Variants in SPAG16 observed in about 807,000 individuals in gnomAD.
SPAG16 encodes the protein sperm associated antigen 16.
A neutral mutation model predicts 80.4 loss-of-function variants in SPAG16; 86 were observed. The observed-to-expected ratio is 1.07, with a 90% CI of 0.90 to 1.28. The LOEUF (loss-of-function observed/expected upper bound fraction) is 1.28. Among genes scored for constraint, SPAG16 ranks in the 50% most tolerant of loss-of-function variants. The pLI is 0.00. For synonymous variants in SPAG16, 294 were observed against 265.9 expected, an observed-to-expected ratio of 1.11 and a Z score of -1.03; for missense variants, 870 against 765.3, an observed-to-expected ratio of 1.14 and a Z score of -1.61.
At chr2:213,832,368 C>A (rs1333011076) in intron 10 of SPAG16, among the ~76,000 whole-genome samples, 1 of 152,080 alleles carries the variant, frequency 6.6e-6, no homozygotes, top group Non-Finnish European at 1.5e-5. Context: ...ATACTTTGAA[C>A]TGAAGGACAT....
At chr2:213,774,533 A>G (rs1272322567) in intron 10 of SPAG16, among the ~76,000 whole-genome samples, 4 of 152,188 alleles carry the variant, frequency 2.6e-5, no homozygotes, top group African/African-American at 9.7e-5. Flanking sequence ...GCAATTTTAT[A>G]TGCAATGGTG....
chr2:214,149,073 GTGTGTA>G, intron 14 of SPAG16, 61 bp from the exon 15 acceptor site: 1 of 357,260 alleles, frequency 2.8e-6, no homozygotes, highest in African/African-American at 4.4e-5. Flanking sequence ...ATGTGTGTGT[GTGTGTA>G]TATATATATA....
At chr2:214,280,311 G>C (rs77844269) in intron 15 of SPAG16, among the ~76,000 whole-genome samples, 2,170 of 152,300 alleles carry the variant, frequency 0.014, 27 homozygotes, top group Non-Finnish European at 0.024. Flanking sequence ...CTTATCTATA[G>C]ATTAAATACA....
intron 9 of SPAG16, among the ~76,000 whole-genome samples, chr2:213,460,797 A>G (rs1356125005): frequency 6.6e-6 from 1 of 152,170 alleles, no homozygotes; most frequent in East Asian, 1.9e-4. Context: ...TGTATTTTTT[A>G]GAGCCACTAA....
chr2:213,833,482 TA>T (rs1366856815), intron 10 of SPAG16, among the ~76,000 whole-genome samples: 773 of 3,940 alleles, frequency 0.2, 234 homozygotes, highest in South Asian at 0.58. Context: ...TAATAATATA[TA>T]TATTATATAT....
At chr2:213,812,036 A>G (rs759086327) in intron 10 of SPAG16, among the ~76,000 whole-genome samples, 35 of 152,172 alleles carry the variant, frequency 2.3e-4, no homozygotes, top group Non-Finnish European at 4.1e-4. Context: ...AGTTAGAAGC[A>G]TGGTAAAGAG....
At chr2:213,985,534 CAG>C (rs1356779896) in intron 12 of SPAG16, among the ~76,000 whole-genome samples, 1 of 151,964 alleles carries the variant, frequency 6.6e-6, no homozygotes, top group African/African-American at 2.4e-5. Context: ...ATTATTTTGC[CAG>C]TAGGCTCATA....
chr2:214,248,088 A>G (rs1380842340), intron 15 of SPAG16, among the ~76,000 whole-genome samples: 1 of 151,976 alleles, frequency 6.6e-6, no homozygotes, highest in Non-Finnish European at 1.5e-5. Flanking sequence ...AAATTAAAAA[A>G]CACAAAATAG....
intron 12 of SPAG16, among the ~76,000 whole-genome samples, chr2:213,935,508 G>C (rs72948790): frequency 4.6e-5 from 7 of 152,142 alleles, no homozygotes; most frequent in Non-Finnish European, 8.8e-5. Flanking sequence ...TGCTGTTGGA[G>C]TCCATGAAAT....
intron 9 of SPAG16, among the ~76,000 whole-genome samples, chr2:213,426,898 A>C (rs1411518125): frequency 6.7e-6 from 1 of 148,588 alleles, no homozygotes. Flanking sequence ...TACACTCTAT[A>C]GGATCCTTTA....
chr2:213,603,904 CT>C (rs1353087648), intron 10 of SPAG16, among the ~76,000 whole-genome samples: 1 of 151,416 alleles, frequency 6.6e-6, no homozygotes, highest in African/African-American at 2.4e-5. Flanking sequence ...TATTATCCAT[CT>C]CTTACCCAAA....
At chr2:214,232,411 CGTG>C (rs1688760555) in intron 15 of SPAG16, among the ~76,000 whole-genome samples, 1 of 151,848 alleles carries the variant, frequency 6.6e-6, no homozygotes, top group Non-Finnish European at 1.5e-5. Context: ...CTGCAACATT[CGTG>C]GTGAATGTGA....
At chr2:214,199,997 T>C (rs1559124149) in intron 15 of SPAG16, among the ~76,000 whole-genome samples, 1 of 152,254 alleles carries the variant, frequency 6.6e-6, no homozygotes, top group East Asian at 1.9e-4. Flanking sequence ...TAGGAACTTT[T>C]TGGATGAGTT....
chr2:213,364,296 T>C (rs554405518), intron 8 of SPAG16, 151 bp downstream of exon 8: 40 of 400,108 alleles, frequency 1.0e-4, no homozygotes, highest in African/African-American at 7.1e-4. Context: ...AGAAGAAATA[T>C]AGATATCATA....
At chr2:214,152,634 G>T (rs1295788975) in intron 15 of SPAG16, among the ~76,000 whole-genome samples, 1 of 152,096 alleles carries the variant, frequency 6.6e-6, no homozygotes, top group African/African-American at 2.4e-5. Context: ...AAGACAGCTG[G>T]GCCCCAGGGA....
chr2:214,229,931 C>A (rs905264282), intron 15 of SPAG16, among the ~76,000 whole-genome samples: 1 of 151,846 alleles, frequency 6.6e-6, no homozygotes, highest in African/African-American at 2.4e-5. Flanking sequence ...TTAAACTATT[C>A]TATTTTTGCA....
chr2:213,547,274 G>T (rs1057133817), intron 10 of SPAG16, among the ~76,000 whole-genome samples: 8 of 152,134 alleles, frequency 5.3e-5, no homozygotes, highest in Middle Eastern at 3.5e-3. Context: ...AAATGCAATT[G>T]TTCCAGTAAA....
At chr2:213,329,365 C>A (rs1383518327) in intron 5 of SPAG16, among the ~76,000 whole-genome samples, 2 of 152,110 alleles carry the variant, frequency 1.3e-5, no homozygotes, top group South Asian at 4.1e-4. Context: ...ACAAAGAAAT[C>A]CAGGCTGAGA....
intron 10 of SPAG16, among the ~76,000 whole-genome samples, chr2:213,832,170 G>A (rs1314739237): frequency 2.0e-5 from 3 of 151,662 alleles, no homozygotes; most frequent in Non-Finnish European, 4.4e-5. Context: ...GCTAATTTTT[G>A]TATTTTTAGT....
Sources: allele counts gnomAD v4.1 joint callset (sites outside exome capture counted in the v4.1 genomes callset), GRCh38; gene constraint gnomAD v4.1.1; transcripts MANE v1.5; gene names NCBI Gene and HGNC (gene_info 2026-07-23, HGNC 2026-07-21).